BMPR2: variants seen among roughly 807,000 people sequenced by gnomAD.
The protein encoded by BMPR2 is bone morphogenetic protein receptor type-2.
BMPR2 carries 29 observed loss-of-function variants against 100.8 expected under a neutral mutation model. That is an observed-to-expected ratio of 0.29 (90% confidence interval 0.21 to 0.39). BMPR2 has a LOEUF of 0.39. Among genes scored for constraint, BMPR2 ranks in the 10% least tolerant of loss-of-function variants. BMPR2 has a pLI of 1.00. For missense variants in BMPR2, 1,011 were observed against 1,274.5 expected, an observed-to-expected ratio of 0.79 and a Z score of 3.15; for synonymous variants, 382 against 442.3, an observed-to-expected ratio of 0.86 and a Z score of 1.71.
At position 202,562,176 on chromosome 2, in the gene BMPR2, A is replaced by T. The variant is rs1167573641; in HGVS notation, c.*2230A>T. The T allele has an allele frequency of 1.3e-5, 2 of 152,354 alleles. No individual in the cohort carries two copies. Among genetic ancestry groups the T allele is most frequent in the African/African-American group, 4.8e-5 (2 of 41,460 alleles). 9.4% of individuals were successfully genotyped at this position (152,354 alleles called of 1,614,324 possible). A position where few individuals can be genotyped will look rare whatever the true frequency, so the allele number is the denominator to read the frequency against. On this transcript the variant is annotated 3_prime_UTR_variant, in exon 13 of 13. Transcript: ENST00000374580. ...CAATTTGAAGCATTGAGGATAAATG[A>T]CCATTTGAGGTCTAACTGATCTTTT...
chr2:202,454,837 C>G (rs976188923), intron 1 of BMPR2, among the ~76,000 whole-genome samples: 1 of 152,150 alleles, frequency 6.6e-6, no homozygotes, highest in Admixed American at 6.6e-5. Context: ...ACAATAGACT[C>G]GATGTCTTGA....
At position 202,495,919 on chromosome 2, in the gene BMPR2, G is replaced by A. The variant is rs972750038; in HGVS notation, c.419-17800G>A. Reference sequence around the variant, plus strand: ...TGTATGAGAAGACTCATTATACAGAGTTTTGGAAGTAGGAGGACCTTAAAA... The same window carrying A: ...TGTATGAGAAGACTCATTATACAGAATTTTGGAAGTAGGAGGACCTTAAAA... On this transcript the variant is annotated intron_variant, in intron 3 of 12. Coordinates refer to ENST00000374580, the MANE Select transcript of BMPR2 (RefSeq NM_001204.7). The surrounding 1 kb of genome is among the most constrained non-coding windows in gnomAD (Gnocchi z 4.5). Among the ~76,000 whole-genome samples, 1 of 152,178 alleles carries A rather than the reference G, an allele frequency of 6.6e-6. No homozygotes were observed. Among genetic ancestry groups the A allele is most frequent in the Non-Finnish European group, 1.5e-5 (1 of 68,034 alleles).
In BMPR2 at chr2:202,448,924, GGTGTGTGT is replaced by G. The variant is rs55680029; in HGVS notation, c.77-15854_77-15847del. 2.0e-3 allele frequency among the ~76,000 whole-genome samples: 291 copies of G among 142,908 alleles called. 2 individuals are homozygous for G. Among genetic ancestry groups the G allele is most frequent in the Non-Finnish European group, 2.7e-3 (175 of 65,844 alleles). The allele number at this position is 142,908 out of a possible 152,430, so 93.8% of individuals were successfully genotyped here. On this transcript the variant is annotated intron_variant, in intron 1 of 12. Coordinates refer to ENST00000374580, the MANE Select transcript of BMPR2 (RefSeq NM_001204.7). ...TGGATTATTTTGTCAGTTTAGAATT[GGTGTGTGT>G]GTGTGTGTGTGTGTGTGTGTGTGTG...
chr2:202,386,660 T>C (rs1438283140), intron 1 of BMPR2, among the ~76,000 whole-genome samples: 1 of 152,002 alleles, frequency 6.6e-6, no homozygotes, highest in African/African-American at 2.4e-5. Context: ...TTCAACATAG[T>C]AGCCTGAGTG....
intron 1 of BMPR2, among the ~76,000 whole-genome samples, chr2:202,399,800 G>T (rs906840548): frequency 2.6e-5 from 4 of 152,158 alleles, no homozygotes; most frequent in African/African-American, 9.7e-5. Flanking sequence ...AAATAGCAGA[G>T]ACTCTTTGGA....
intron 1 of BMPR2, among the ~76,000 whole-genome samples, chr2:202,438,270 G>T (rs1033847136): frequency 1.3e-5 from 2 of 150,386 alleles, no homozygotes; most frequent in Non-Finnish European, 2.9e-5. Flanking sequence ...CCAAGATCAC[G>T]CCATTGCACT....
intron 8 of BMPR2, among the ~76,000 whole-genome samples, chr2:202,531,736 A>G (rs1320460502): frequency 7.9e-5 from 12 of 151,940 alleles, no homozygotes; most frequent in Non-Finnish European, 1.3e-4. Flanking sequence ...GGTTGAAGCA[A>G]TTCTCCTGCC....
chr2:202,441,773 C>T (rs892373232), intron 1 of BMPR2, among the ~76,000 whole-genome samples: 3 of 148,092 alleles, frequency 2.0e-5, no homozygotes, highest in Non-Finnish European at 4.4e-5. Context: ...GTGGCTCACG[C>T]CTGTAATCCC....
intron 1 of BMPR2, among the ~76,000 whole-genome samples, chr2:202,420,704 G>A (rs1691245707): frequency 6.6e-6 from 1 of 151,528 alleles, no homozygotes; most frequent in African/African-American, 2.4e-5. Flanking sequence ...ATGCCACCAT[G>A]CCTGGCTAAT....
chr2:202,544,152 A>G (rs1313143448), intron 10 of BMPR2, among the ~76,000 whole-genome samples: 1 of 151,612 alleles, frequency 6.6e-6, no homozygotes, highest in East Asian at 1.9e-4. Context: ...AAAAAAAAAC[A>G]AAAAAAAATT....
intron 7 of BMPR2, among the ~76,000 whole-genome samples, chr2:202,525,425 G>T (rs1358170184): frequency 6.6e-6 from 1 of 152,086 alleles, no homozygotes. Context: ...TCGATCTCCT[G>T]ACCTCAGGTG....
At position 202,563,079 on chromosome 2, in the gene BMPR2, T is replaced by C. The variant is rs1317324793; in HGVS notation, c.*3133T>C. ...TATGTCTGCCTCTCTCCACATCTCTTTCATCCATACCACACTGCCTACATG... is the reference window on the plus strand; with the variant it reads ...TATGTCTGCCTCTCTCCACATCTCTCTCATCCATACCACACTGCCTACATG... On this transcript the variant is annotated 3_prime_UTR_variant, in exon 13 of 13. Coordinates refer to ENST00000374580, the MANE Select transcript of BMPR2 (RefSeq NM_001204.7). 2 of 152,272 alleles carry C rather than the reference T, an allele frequency of 1.3e-5. No individual in the cohort carries two copies. Among genetic ancestry groups the C allele is most frequent in the Non-Finnish European group, 2.9e-5 (2 of 68,040 alleles). The allele number at this position is 152,272 out of a possible 1,614,324, so 9.4% of individuals were successfully genotyped here.
Position 202,555,274 on chromosome 2 carries a change from G to A in BMPR2, c.1609G>A (p.Val537Met), listed in dbSNP as rs538845625. 1.2e-6 allele frequency: 2 copies of A among 1,614,100 alleles called. No individual in the cohort carries two copies. Among genetic ancestry groups the A allele is most frequent in the South Asian group, 1.1e-5 (1 of 91,080 alleles). The change falls in exon 12 of 13, where the codon GTG becomes ATG. Residue 537 changes from valine to methionine, a missense_variant. Around this residue, in one of 6 missense-constraint regions of BMPR2, gnomAD observed 508 missense variants for 552.0 expected, o/e 0.92. Coordinates refer to ENST00000374580, the MANE Select transcript of BMPR2 (RefSeq NM_001204.7). ...AAGCAACCTGTCACATAATAGGCGTGTGCCAAAAATTGGTCCTTATCCAGA... is the reference window on the plus strand; with the variant it reads ...AAGCAACCTGTCACATAATAGGCGTATGCCAAAAATTGGTCCTTATCCAGA... The part of the protein sequence containing the change: ...NERNLSHNRR[V>M]PKIGPYPDYS...
At chr2:202,536,028 A>T (rs940473986) in intron 9 of BMPR2, among the ~76,000 whole-genome samples, 2 of 152,148 alleles carry the variant, frequency 1.3e-5, no homozygotes, top group African/African-American at 4.8e-5. Flanking sequence ...GCAGCAGTAC[A>T]GTCCAGCTTC....
At chr2:202,416,565 A>G (rs1181420439) in intron 1 of BMPR2, among the ~76,000 whole-genome samples, 1 of 151,518 alleles carries the variant, frequency 6.6e-6, no homozygotes, top group Non-Finnish European at 1.5e-5. Flanking sequence ...AGCTGGGACT[A>G]CAGGCACGTG....
intron 10 of BMPR2, among the ~76,000 whole-genome samples, chr2:202,544,654 G>A (rs1405780023): frequency 1.3e-5 from 2 of 151,506 alleles, no homozygotes; most frequent in Non-Finnish European, 2.9e-5. Flanking sequence ...CTTGATGTTT[G>A]TAGGCATGGA....
chr2:202,416,982 A>G (rs1346785479), intron 1 of BMPR2, among the ~76,000 whole-genome samples: 5 of 150,650 alleles, frequency 3.3e-5, no homozygotes, highest in African/African-American at 4.9e-5. Flanking sequence ...GACTACAGGC[A>G]CCCGCCACCA....
intron 6 of BMPR2, 151 bp from the exon 7 acceptor site, chr2:202,519,936 C>T (rs1168722108): frequency 9.4e-6 from 6 of 636,564 alleles, no homozygotes; most frequent in Non-Finnish European, 1.7e-5. Flanking sequence ...GTCATACTAA[C>T]TCTTTCAAGA....
At chr2:202,396,553 C>G (rs1202133999) in intron 1 of BMPR2, among the ~76,000 whole-genome samples, 1 of 152,084 alleles carries the variant, frequency 6.6e-6, no homozygotes, top group East Asian at 1.9e-4. Context: ...CTAGGCTTAT[C>G]TATTTTGTTT....
Sources: allele counts gnomAD v4.1 joint callset (sites outside exome capture counted in the v4.1 genomes callset), GRCh38; gene constraint gnomAD v4.1.1; regional missense constraint gnomAD v4.1.1; non-coding constraint Gnocchi (gnomAD v3.1); transcripts MANE v1.5; gene names NCBI Gene and HGNC (gene_info 2026-07-23, HGNC 2026-07-21).